ZNF710: variants seen among roughly 807,000 people sequenced by gnomAD.
ZNF710 encodes zinc finger protein 710.
Under a neutral mutation model 50.6 loss-of-function variants are expected in ZNF710, and 13 were observed. The observed-to-expected ratio is 0.26, with a 90% CI of 0.17 to 0.41. The LOEUF (loss-of-function observed/expected upper bound fraction) is 0.41. Ranked by LOEUF, ZNF710 falls within the 10% of genes least tolerant of loss-of-function variation. The pLI is 1.00. For missense variants in ZNF710, 721 were observed against 936.6 expected (o/e 0.77, Z 3.01); for synonymous variants, 383 against 397.0 (o/e 0.96, Z 0.42).
chr15:90,028,127 TC>T (rs1254917614), intron 1 of ZNF710, among the ~76,000 whole-genome samples: 8 of 152,356 alleles, frequency 5.3e-5, no homozygotes, highest in African/African-American at 1.7e-4. Flanking sequence ...TGAAAGAATT[TC>T]AACTATTGAG....
Position 90,034,772 on chromosome 15 carries a change from T to G in ZNF710, c.-28-32338T>G, listed in dbSNP as rs1433884862. 1.3e-5 allele frequency among the ~76,000 whole-genome samples: 2 copies of G among 152,148 alleles called. No individual in the cohort carries two copies. The highest frequency in any genetic ancestry group is 4.8e-5 in the African/African-American group (2 of 41,410). On this transcript the variant is annotated intron_variant, in intron 1 of 4. Transcript: ENST00000268154. The surrounding 1 kb of genome is among the most constrained non-coding windows in gnomAD (Gnocchi z 4.0). Reference sequence around the variant, plus strand: ...GGCACCCGGCTCCACCTGCCTCAGGTTTTGCCTGCAGGTGCATTTCCTTTG... The same window carrying G: ...GGCACCCGGCTCCACCTGCCTCAGGGTTTGCCTGCAGGTGCATTTCCTTTG...
chr15:90,023,026 G>A (rs76792010), intron 1 of ZNF710, among the ~76,000 whole-genome samples: 1,999 of 152,266 alleles, frequency 0.013, 50 homozygotes, highest in African/African-American at 0.045. Flanking sequence ...CTATAGGCCG[G>A]ACACTGATCT....
chr15:90,074,000 C>CAAA, intron 3 of ZNF710, 116 bp from the exon 4 acceptor site: 57 of 808,254 alleles, frequency 7.1e-5, no homozygotes, highest in Admixed American at 1.4e-4. Context: ...AAAAAAAAAA[C>CAAA]AAAAAAAAAA....
intron 1 of ZNF710, among the ~76,000 whole-genome samples, chr15:90,024,632 A>G (rs1357893898): frequency 6.6e-6 from 1 of 152,042 alleles, no homozygotes; most frequent in Non-Finnish European, 1.5e-5. Context: ...CCCAGGAACT[A>G]CTCTGTCTGT....
Position 90,047,611 on chromosome 15 carries a change from A to G in ZNF710, c.-28-19499A>G, listed in dbSNP as rs189380593. Among the ~76,000 whole-genome samples the G allele has an allele frequency of 4.9e-3, 713 of 146,492 alleles. 7 individuals carry two copies. The highest frequency in any genetic ancestry group is 0.017 in the African/African-American group (674 of 38,856). ...TTTTCTTTTTTTTTTTTTGAGACAG[A>G]GTCTTGCTCTGTCGCCAGGCTGGGG... On this transcript the variant is annotated intron_variant, in intron 1 of 4. Transcript: ENST00000268154.
At chr15:90,053,504 T>C (rs1437725181) in intron 1 of ZNF710, among the ~76,000 whole-genome samples, 1 of 152,050 alleles carries the variant, frequency 6.6e-6, no homozygotes, top group Non-Finnish European at 1.5e-5. Context: ...CGTGCCATCA[T>C]GGCCTGTTAA....
At position 90,068,274 on chromosome 15, in the gene ZNF710, C is replaced by T; in HGVS notation, c.1137C>T (p.Tyr379=). The change falls in exon 2 of 5, where the codon TAC becomes TAT. Residue 379 remains tyrosine, a synonymous_variant. Coordinates refer to ENST00000268154, the MANE Select transcript of ZNF710 (RefSeq NM_198526.4). The surrounding 1 kb of genome is among the most constrained non-coding windows in gnomAD (Gnocchi z 5.0). ...TGCTGCACTCGGAGGTCAAGCCCTA[C>T]AGCTGCCACTTCTGCGGCCGCGGCT... ...HMLLHSEVKP[Y]SCHFCGRGFA... 1.2e-6 allele frequency: 2 copies of T among 1,613,204 alleles called. No homozygotes were observed. The highest frequency in any genetic ancestry group is 1.7e-6 in the Non-Finnish European group (2 of 1,180,008).
At chr15:89,998,641 A>G (rs1404803181), upstream of ZNF710, among the ~76,000 whole-genome samples, 1 of 152,202 alleles carries the variant, frequency 6.6e-6, no homozygotes, top group Non-Finnish European at 1.5e-5. Flanking sequence ...CCTGATTTGT[A>G]GTAATAGTAA....
intron 2 of ZNF710, among the ~76,000 whole-genome samples, chr15:90,069,338 G>T (rs988413234): frequency 2.6e-5 from 4 of 151,974 alleles, no homozygotes; most frequent in African/African-American, 9.7e-5. Context: ...AGCCTGAGAG[G>T]CTGAGGTTGC....
At chr15:90,029,560 A>G (rs1422482669) in intron 1 of ZNF710, among the ~76,000 whole-genome samples, 1 of 152,146 alleles carries the variant, frequency 6.6e-6, no homozygotes, top group Non-Finnish European at 1.5e-5. Flanking sequence ...TGCGGCCAGG[A>G]GATTGAGACC....
chr15:90,012,944 A>G (rs1412178246), intron 1 of ZNF710, among the ~76,000 whole-genome samples: 1 of 152,060 alleles, frequency 6.6e-6, no homozygotes, highest in Non-Finnish European at 1.5e-5. Context: ...TTCTTTAATC[A>G]TATTAAACAC....
At chr15:90,009,769 C>A (rs1212457416) in intron 1 of ZNF710, among the ~76,000 whole-genome samples, 1 of 151,992 alleles carries the variant, frequency 6.6e-6, no homozygotes, top group South Asian at 2.1e-4. Context: ...CACTCTGTCC[C>A]CACTTCCTCT....
At chr15:90,074,470 A>C in intron 4 of ZNF710, 180 bp downstream of exon 4, 1 of 1,530,642 alleles carries the variant, frequency 6.5e-7, no homozygotes, top group Non-Finnish European at 8.7e-7. Context: ...TGGGATATTT[A>C]TGTCTTCTTC....
chr15:90,034,454 GT>G lies in ZNF710; in HGVS notation c.-28-32655del, dbSNP rs1204101520. Among the ~76,000 whole-genome samples the G allele has an allele frequency of 6.6e-6, 1 of 151,354 alleles. No homozygotes were observed. The highest frequency in any genetic ancestry group is 1.5e-5 in the Non-Finnish European group (1 of 67,706). On this transcript the variant is annotated intron_variant, in intron 1 of 4. Transcript: ENST00000268154. This position sits in a 1 kb window ranked among gnomAD's most constrained non-coding sequence, Gnocchi z 4.0. ...TGTGTGTGTGTGTGTGTGTGTGTGTGTGTGTGTGTGTGTGTGTGTGTATTCT... is the reference window on the plus strand; with the variant it reads ...TGTGTGTGTGTGTGTGTGTGTGTGTGGTGTGTGTGTGTGTGTGTGTATTCT...
At position 90,068,613 on chromosome 15, in the gene ZNF710, G is replaced by A. The variant is rs1246244383; in HGVS notation, c.1458+18G>A. On this transcript the variant is annotated intron_variant, in intron 2 of 4. Transcript: ENST00000268154. The surrounding 1 kb of genome is among the most constrained non-coding windows in gnomAD (Gnocchi z 5.0). ...CCCACAAGGTAAGGCCGTTCCCAGGGCCTGGGCATCTGCCTGCCCCTCCTG... is the reference window on the plus strand; with the variant it reads ...CCCACAAGGTAAGGCCGTTCCCAGGACCTGGGCATCTGCCTGCCCCTCCTG... 15 of 1,561,900 alleles carry A rather than the reference G, an allele frequency of 9.6e-6. No individual in the cohort carries two copies. Among genetic ancestry groups the A allele is most frequent in the Non-Finnish European group, 1.2e-5 (14 of 1,154,642 alleles).
At chr15:90,073,348 C>A in intron 3 of ZNF710, 86 bp downstream of exon 3, 1 of 1,503,908 alleles carries the variant, frequency 6.6e-7, no homozygotes, top group Non-Finnish European at 9.1e-7. Context: ...GCCCACCAAG[C>A]GCCAGCCTGG....
chr15:90,075,736 T>C (rs1041778859), intron 4 of ZNF710: 6 of 152,162 alleles, frequency 3.9e-5, no homozygotes, highest in Non-Finnish European at 2.9e-5. Context: ...CTCAGTTGTT[T>C]TGTTTTGTTT....
chr15:90,079,628 C>T, intron 4 of ZNF710, 32 bp from the exon 5 acceptor site: 2 of 1,599,692 alleles, frequency 1.3e-6, no homozygotes, highest in Non-Finnish European at 1.7e-6. Flanking sequence ...CGAGAGATGG[C>T]AGCCAGGTCT....
At chr15:90,041,993 G>A (rs1302341210) in intron 1 of ZNF710, among the ~76,000 whole-genome samples, 1 of 151,332 alleles carries the variant, frequency 6.6e-6, no homozygotes, top group Non-Finnish European at 1.5e-5. Flanking sequence ...TGCATCCCGG[G>A]TTCAAGTGAT....
Sources: gnomAD v4.1 joint callset for allele counts (sites outside exome capture counted in the v4.1 genomes callset) on GRCh38, gnomAD v4.1.1 for gene constraint, Gnocchi (gnomAD v3.1) non-coding constraint, MANE v1.5 for transcripts, NCBI Gene and HGNC (gene_info 2026-07-23, HGNC 2026-07-21) for gene names.